Variants in AK7 observed in about 807,000 individuals in gnomAD.
The protein encoded by AK7 is ATP-AMP transphosphorylase 7.
A neutral mutation model predicts 96.6 loss-of-function variants in AK7; 78 were observed. The observed-to-expected ratio is 0.81, with a 90% CI of 0.67 to 0.97. The LOEUF (loss-of-function observed/expected upper bound fraction) is 0.97, where lower values mean the gene tolerates loss of function less well. Among genes scored for constraint, AK7 ranks in the 50% least tolerant of loss-of-function variants. AK7 has a pLI of 0.00. For synonymous variants in AK7, 302 were observed against 317.2 expected (o/e 0.95, Z 0.51); for missense variants, 855 against 887.9 (o/e 0.96, Z 0.47).
chr14:96,470,760 C>T (rs1180258284), intron 12 of AK7, among the ~76,000 whole-genome samples: 1 of 152,150 alleles, frequency 6.6e-6, no homozygotes, highest in African/African-American at 2.4e-5. Flanking sequence ...TATGTGCTGG[C>T]AACAAACATG....
At chr14:96,400,299 C>G (rs780857947) in intron 2 of AK7, among the ~76,000 whole-genome samples, 7 of 152,044 alleles carry the variant, frequency 4.6e-5, no homozygotes, top group Non-Finnish European at 1.0e-4. Flanking sequence ...CTTGGCCTCC[C>G]AAAGTGCTGG....
At chr14:96,393,945 C>T (rs1889902523) in intron 1 of AK7, among the ~76,000 whole-genome samples, 1 of 152,056 alleles carries the variant, frequency 6.6e-6, no homozygotes, top group Non-Finnish European at 1.5e-5. Context: ...CCTGTCTCTA[C>T]TAAAAGTACA....
chr14:96,401,908 C>T (rs564744019), intron 2 of AK7, among the ~76,000 whole-genome samples: 3 of 152,270 alleles, frequency 2.0e-5, no homozygotes, highest in African/African-American at 7.2e-5. Context: ...TCTATGACAG[C>T]CCTTTCCACA....
chr14:96,452,752 A>G (rs1456297200), intron 10 of AK7, among the ~76,000 whole-genome samples: 1 of 151,308 alleles, frequency 6.6e-6, no homozygotes, highest in African/African-American at 2.4e-5. Flanking sequence ...TCTGCCTCCC[A>G]GGTTCAAGTG....
chr14:96,419,561 G>T (rs770648073), intron 4 of AK7, among the ~76,000 whole-genome samples: 1 of 152,032 alleles, frequency 6.6e-6, no homozygotes, highest in Admixed American at 6.6e-5. Flanking sequence ...TTGAATCCAG[G>T]ATTTCAAGGC....
At chr14:96,454,565 C>A (rs1304491882) in intron 10 of AK7, among the ~76,000 whole-genome samples, 2 of 151,932 alleles carry the variant, frequency 1.3e-5, no homozygotes, top group Admixed American at 6.6e-5. Flanking sequence ...GCAGCCTAGA[C>A]CCTCCTGGGC....
intron 1 of AK7, among the ~76,000 whole-genome samples, chr14:96,395,360 A>G (rs1890005610): frequency 6.6e-6 from 1 of 152,202 alleles, no homozygotes; most frequent in Non-Finnish European, 1.5e-5. Flanking sequence ...GGGTTGTCCT[A>G]AAGGTCTTCA....
chr14:96,439,168 G>A (rs950815410), intron 6 of AK7, among the ~76,000 whole-genome samples: 2 of 152,060 alleles, frequency 1.3e-5, no homozygotes, highest in African/African-American at 2.4e-5. Flanking sequence ...AATCATGGGA[G>A]CTGTCAGTAT....
chr14:96,481,188 C>A (rs977485964), intron 15 of AK7, among the ~76,000 whole-genome samples: 1 of 152,144 alleles, frequency 6.6e-6, no homozygotes, highest in Non-Finnish European at 1.5e-5. Flanking sequence ...GGTGCCCCAC[C>A]CCAGTCTAAT....
Position 96,471,552 on chromosome 14 carries a change from T to A in AK7, c.1432T>A (p.Tyr478Asn). 1 of 1,597,870 alleles carries A rather than the reference T, an allele frequency of 6.3e-7. No individual in the cohort carries two copies. The highest frequency in any genetic ancestry group is 8.5e-7 in the Non-Finnish European group (1 of 1,172,020). ...ATCAATGCCTTGCAGGAATCAAGGTTATATTTTGGATGGATTCCCAAAGAC... is the reference window on the plus strand; with the variant it reads ...ATCAATGCCTTGCAGGAATCAAGGTAATATTTTGGATGGATTCCCAAAGAC... ...LKSMPCRNQGYILDGFPKTYD... is the reference protein window; with the variant it reads ...LKSMPCRNQGNILDGFPKTYD... The change falls in exon 13 of 18, where the codon TAT (tyrosine) becomes AAT (asparagine). Residue 478 changes from tyrosine (Y) to asparagine (N), a missense_variant. By Grantham distance (143) the Tyr-to-Asn change is moderately radical. Coordinates refer to ENST00000267584, the MANE Select transcript of AK7 (RefSeq NM_152327.5).
intron 4 of AK7, among the ~76,000 whole-genome samples, chr14:96,411,968 C>CT (rs1183445568): frequency 4.6e-5 from 7 of 152,350 alleles, no homozygotes; most frequent in Admixed American, 3.9e-4. Flanking sequence ...AATTCTCCTA[C>CT]TTTCCTCTCT....
chr14:96,455,163 G>T (rs543481167), intron 10 of AK7, among the ~76,000 whole-genome samples: 1 of 152,020 alleles, frequency 6.6e-6, no homozygotes, highest in East Asian at 1.9e-4. Context: ...GTGAAACTCT[G>T]TCTCAAAATA....
intron 12 of AK7, among the ~76,000 whole-genome samples, chr14:96,460,086 A>G (rs1048072554): frequency 6.6e-6 from 1 of 152,124 alleles, no homozygotes; most frequent in African/African-American, 2.4e-5. Flanking sequence ...TTCCATTGCA[A>G]CTCTTAGATA....
At chr14:96,404,048 G>A (rs1452294659) in intron 2 of AK7, among the ~76,000 whole-genome samples, 1 of 151,122 alleles carries the variant, frequency 6.6e-6, no homozygotes, top group Non-Finnish European at 1.5e-5. Context: ...GGAGGCTGAG[G>A]TATGAGAACC....
At chr14:96,401,293 A>T (rs1233349540) in intron 2 of AK7, among the ~76,000 whole-genome samples, 1 of 152,206 alleles carries the variant, frequency 6.6e-6, no homozygotes, top group East Asian at 1.9e-4. Flanking sequence ...TCTCAGTCTT[A>T]TCTAGAGAGA....
chr14:96,442,650 C>A (rs1291680713), intron 6 of AK7, 80 bp from the exon 7 acceptor site: 8 of 1,109,416 alleles, frequency 7.2e-6, no homozygotes, highest in Non-Finnish European at 1.1e-5. Flanking sequence ...TCAGTTGCCT[C>A]TGACTGTAGA....
intron 6 of AK7, among the ~76,000 whole-genome samples, chr14:96,438,326 A>G (rs922039101): frequency 6.6e-6 from 1 of 152,190 alleles, no homozygotes; most frequent in African/African-American, 2.4e-5. Context: ...ATGGAAAACA[A>G]CAGAGCAGAG....
intron 14 of AK7, among the ~76,000 whole-genome samples, chr14:96,474,446 TA>T (rs1170896129): frequency 0.044 from 4,442 of 101,460 alleles, 61 homozygotes; most frequent in Non-Finnish European, 0.063. Flanking sequence ...TCATATCTAC[TA>T]AAAAAAAAAA....
intron 12 of AK7, among the ~76,000 whole-genome samples, chr14:96,464,274 T>C (rs1003628545): frequency 4.0e-5 from 6 of 151,864 alleles, no homozygotes; most frequent in Non-Finnish European, 8.8e-5. Context: ...ATGGTGTACT[T>C]GGCCAGGCGC....
Sources: allele counts gnomAD v4.1 joint callset (sites outside exome capture counted in the v4.1 genomes callset), GRCh38; gene constraint gnomAD v4.1.1; transcripts MANE v1.5; gene names NCBI Gene and HGNC (gene_info 2026-07-23, HGNC 2026-07-21).